TBL1Y: variants seen among roughly 807,000 people sequenced by gnomAD.
The protein encoded by TBL1Y is transducin beta like 1 Y-linked, also known as F-box-like/WD repeat-containing protein TBL1Y.
In TBL1Y, 15 loss-of-function variants were observed where a neutral mutation model predicts 12.0. The ratio of observed to expected loss-of-function variants is 1.25; its 90% CI spans 0.83 to 1.92. The LOEUF (loss-of-function observed/expected upper bound fraction) is 1.92. TBL1Y is among the 40% of genes most tolerant of loss of function. TBL1Y has a pLI of 0.00. For missense variants in TBL1Y, 148 were observed against 116.7 expected (o/e 1.27, Z -1.24); for synonymous variants, 53 against 42.6 (o/e 1.24, Z -0.95).
chrY:7,034,755 G>T, intron 6 of TBL1Y, among the ~76,000 whole-genome samples: 3 of 33,512 alleles, frequency 9.0e-5, no homozygotes, highest in Non-Finnish European at 2.2e-4. Context: ...GGAAAAACTG[G>T]CTAGCCATAG....
chrY:7,049,816 T>C, intron 7 of TBL1Y, among the ~76,000 whole-genome samples: 1 of 33,775 alleles, frequency 3.0e-5, no homozygotes, highest in Non-Finnish European at 7.3e-5. Flanking sequence ...AGGTTGCCTG[T>C]ACACTCTGAT....
chrY:7,064,262 G>T, intron 8 of TBL1Y, 113 bp downstream of exon 8: 1 of 235,047 alleles, frequency 4.3e-6, no homozygotes, highest in Non-Finnish European at 6.6e-6. Flanking sequence ...AAATGTCTTA[G>T]TAGCTGCTCT....
intron 3 of TBL1Y, among the ~76,000 whole-genome samples, chrY:6,989,589 G>A (rs2012348550): frequency 3.0e-5 from 1 of 33,401 alleles, no homozygotes. Flanking sequence ...CAGATACACC[G>A]TGGTGGAGGA....
intron 4 of TBL1Y, among the ~76,000 whole-genome samples, chrY:6,998,716 G>A (rs766355510): frequency 6.1e-5 from 2 of 33,039 alleles, no homozygotes; most frequent in Admixed American, 2.7e-4. Flanking sequence ...CCTAATGGTC[G>A]AACCTCCTCA....
chrY:7,085,771 T>C, intron 14 of TBL1Y, 127 bp from the exon 15 acceptor site: 3 of 188,705 alleles, frequency 1.6e-5, no homozygotes, highest in Admixed American at 2.0e-4. Flanking sequence ...CTGTGCTCTT[T>C]GATGTCAGGC....
At chrY:7,044,038 A>C in intron 7 of TBL1Y, among the ~76,000 whole-genome samples, 1 of 32,835 alleles carries the variant, frequency 3.0e-5, no homozygotes, top group Non-Finnish European at 7.4e-5. Flanking sequence ...ATTGTACCAC[A>C]ATAAGCTATT....
At chrY:6,965,853 G>A in intron 2 of TBL1Y, among the ~76,000 whole-genome samples, 1 of 33,425 alleles carries the variant, frequency 3.0e-5, no homozygotes, top group African/African-American at 1.2e-4. Flanking sequence ...AACTCGAAGC[G>A]GGAGGGAACT....
intron 4 of TBL1Y, among the ~76,000 whole-genome samples, chrY:7,013,114 G>C: frequency 2.9e-5 from 1 of 33,916 alleles, no homozygotes; most frequent in Non-Finnish European, 7.4e-5. Context: ...AGCTGTGTTA[G>C]ATACAGTTAT....
At chrY:6,965,001 G>A (rs768967857) in intron 2 of TBL1Y, among the ~76,000 whole-genome samples, 2 of 32,304 alleles carry the variant, frequency 6.2e-5, no homozygotes, top group East Asian at 8.2e-4. Flanking sequence ...TGGGTTGGGC[G>A]CACCACCTGA....
intron 15 of TBL1Y, 150 bp downstream of exon 15, chrY:7,086,122 A>G: frequency 8.1e-6 from 2 of 247,028 alleles, no homozygotes; most frequent in Non-Finnish European, 1.3e-5. Context: ...TTTCTCAGTC[A>G]GCGTCCTACT....
intron 2 of TBL1Y, among the ~76,000 whole-genome samples, chrY:6,957,718 A>G: frequency 5.9e-5 from 2 of 33,673 alleles, no homozygotes; most frequent in Non-Finnish European, 1.5e-4. Context: ...TCTAGATGCA[A>G]TTGGAGTCCC....
intron 2 of TBL1Y, among the ~76,000 whole-genome samples, chrY:6,917,391 A>C (rs2011741830): frequency 8.9e-5 from 3 of 33,739 alleles, no homozygotes; most frequent in Admixed American, 8.1e-4. Flanking sequence ...GTGTTCCTTC[A>C]TGCTAAAAAG....
intron 13 of TBL1Y, among the ~76,000 whole-genome samples, chrY:7,077,626 A>C: frequency 8.8e-5 from 3 of 33,916 alleles, no homozygotes; most frequent in Non-Finnish European, 2.2e-4. Flanking sequence ...CTGTCATGAA[A>C]CATGCTCCTG....
chrY:6,961,412 C>A, intron 2 of TBL1Y, among the ~76,000 whole-genome samples: 1 of 32,643 alleles, frequency 3.1e-5, no homozygotes, highest in Non-Finnish European at 7.5e-5. Flanking sequence ...GGTGATGATG[C>A]TCGATTGCAG....
At chrY:7,013,500 A>C in intron 4 of TBL1Y, among the ~76,000 whole-genome samples, 2 of 34,595 alleles carry the variant, frequency 5.8e-5, no homozygotes, top group African/African-American at 2.2e-4. Flanking sequence ...ATTGCTCCAT[A>C]CATGAGTTGC....
intron 4 of TBL1Y, among the ~76,000 whole-genome samples, chrY:7,010,304 A>G (rs2012511728): frequency 3.0e-5 from 1 of 33,623 alleles, no homozygotes; most frequent in African/African-American, 1.2e-4. Flanking sequence ...TTGTGTTTCA[A>G]TTTCCCAATT....
intron 14 of TBL1Y, among the ~76,000 whole-genome samples, chrY:7,083,972 C>T: frequency 3.1e-5 from 1 of 32,543 alleles, no homozygotes; most frequent in Admixed American, 2.8e-4. Flanking sequence ...TCTCCATTTC[C>T]TGGGCCACCC....
At chrY:7,067,769 T>C in intron 8 of TBL1Y, among the ~76,000 whole-genome samples, 1 of 33,114 alleles carries the variant, frequency 3.0e-5, no homozygotes, top group Non-Finnish European at 7.4e-5. Context: ...TAGAACCCAC[T>C]GTGCATAAGA....
At chrY:7,037,645 C>T (rs2012700752) in intron 6 of TBL1Y, among the ~76,000 whole-genome samples, 1 of 33,440 alleles carries the variant, frequency 3.0e-5, no homozygotes, top group Admixed American at 2.7e-4. Context: ...CATAGAAAAC[C>T]ATCAACTCAT....
Sources: allele counts gnomAD v4.1 joint callset (sites outside exome capture counted in the v4.1 genomes callset), GRCh38; gene constraint gnomAD v4.1.1; transcripts MANE v1.5; gene names NCBI Gene and HGNC (gene_info 2026-07-23, HGNC 2026-07-21).